The following KATNAL1 variants were observed in gnomAD, a reference collection of about 807,000 sequenced individuals.
KATNAL1 encodes the protein katanin catalytic subunit A1 like 1.
In KATNAL1, 32 loss-of-function variants were observed where a neutral mutation model predicts 55.2. The ratio of observed to expected loss-of-function variants is 0.58; its 90% confidence interval spans 0.44 to 0.78. KATNAL1 has a LOEUF of 0.78. Among genes scored for constraint, KATNAL1 ranks in the 30% least tolerant of loss-of-function variants. The pLI, the probability that KATNAL1 is intolerant of heterozygous loss-of-function variation, is 0.00. For synonymous variants in KATNAL1, 193 were observed against 193.6 expected (o/e 1.00, Z 0.02); for missense variants, 466 against 600.9 (o/e 0.78, Z 2.35).
chr13:30,256,035 G>A (rs1481932968), intron 3 of KATNAL1, among the ~76,000 whole-genome samples: 1 of 152,074 alleles, frequency 6.6e-6, no homozygotes, highest in East Asian at 1.9e-4. Context: ...TTCTAAATAA[G>A]TCTATTTGTA....
intron 1 of KATNAL1, among the ~76,000 whole-genome samples, chr13:30,291,467 A>G (rs1417087486): frequency 6.6e-6 from 1 of 152,240 alleles, no homozygotes; most frequent in Non-Finnish European, 1.5e-5. Flanking sequence ...AAAACACTCA[A>G]TATGCGTAAG....
chr13:30,279,169 A>AT (rs774017486), intron 3 of KATNAL1, among the ~76,000 whole-genome samples: 11 of 152,214 alleles, frequency 7.2e-5, no homozygotes, highest in Non-Finnish European at 1.5e-4. Flanking sequence ...ATCTAGCATG[A>AT]TTAGGGCCTC....
intron 3 of KATNAL1, among the ~76,000 whole-genome samples, chr13:30,262,485 G>C (rs1029861305): frequency 7.9e-5 from 12 of 152,036 alleles, no homozygotes; most frequent in African/African-American, 2.7e-4. Flanking sequence ...GACTGATAAA[G>C]AAGAAAAGAG....
chr13:30,244,845 C>G (rs1877626724), intron 4 of KATNAL1, among the ~76,000 whole-genome samples: 1 of 152,030 alleles, frequency 6.6e-6, no homozygotes. Context: ...CAAGACTAAA[C>G]CAGGAAGAAG....
intron 9 of KATNAL1, among the ~76,000 whole-genome samples, chr13:30,218,834 A>G (rs1236592588): frequency 6.6e-6 from 1 of 152,026 alleles, no homozygotes; most frequent in Non-Finnish European, 1.5e-5. Flanking sequence ...GTCACCCCCA[A>G]CCACGACCCA....
chr13:30,282,827 C>G (rs9550549), intron 2 of KATNAL1, among the ~76,000 whole-genome samples: 24,507 of 150,024 alleles, frequency 0.16, 2,527 homozygotes, highest in East Asian at 0.3. Flanking sequence ...TGGTGGTGGG[C>G]GCATGTAGTC....
intron 6 of KATNAL1, among the ~76,000 whole-genome samples, chr13:30,232,285 G>A (rs1876180102): frequency 6.6e-6 from 1 of 152,042 alleles, no homozygotes; most frequent in Admixed American, 6.6e-5. Context: ...CATAATACCT[G>A]GTGATTCCTT....
intron 10 of KATNAL1, 75 bp from the exon 11 acceptor site, chr13:30,208,813 G>GAA: frequency 3.0e-6 from 3 of 995,554 alleles, no homozygotes; most frequent in South Asian, 2.0e-5. Flanking sequence ...ACAAAGTTAT[G>GAA]AAAAAAAAAT....
At position 30,231,473 on chromosome 13, in the gene KATNAL1, C is replaced by A; in HGVS notation, c.727-1G>T. 1 of 1,493,974 alleles carries A rather than the reference C, an allele frequency of 6.7e-7. No individual in the cohort carries two copies. The highest frequency in any genetic ancestry group is 8.9e-7 in the Non-Finnish European group (1 of 1,119,798). 92.5% of individuals were successfully genotyped at this position (1,493,974 alleles called of 1,614,324 possible). On this transcript the variant is annotated splice_acceptor_variant, in intron 6 of 10. Transcript: ENST00000380615. LOFTEE classifies it high-confidence loss of function. ...CTGGGGGTCCAACCATCAGTACACC[C>A]TGAAATTTCAAAAGACAAATTAAAT...
chr13:30,277,754 C>T (rs994075039), intron 3 of KATNAL1, among the ~76,000 whole-genome samples: 10 of 151,840 alleles, frequency 6.6e-5, no homozygotes, highest in African/African-American at 1.5e-4. Context: ...GAGGCCGAGG[C>T]GGGCGGATCA....
chr13:30,232,359 A>T (rs1876187790), intron 6 of KATNAL1, among the ~76,000 whole-genome samples: 1 of 152,166 alleles, frequency 6.6e-6, no homozygotes, highest in South Asian at 2.1e-4. Flanking sequence ...AGGCTTTGAA[A>T]ACTATGTGTA....
intron 1 of KATNAL1, among the ~76,000 whole-genome samples, chr13:30,299,980 A>AAC (rs143141264): frequency 0.16 from 24,461 of 151,172 alleles, 2,037 homozygotes; most frequent in Middle Eastern, 0.21. Context: ...CATCACCCAC[A>AAC]ACACACACAC....
At chr13:30,261,925 G>T (rs1450655817) in intron 3 of KATNAL1, among the ~76,000 whole-genome samples, 1 of 151,970 alleles carries the variant, frequency 6.6e-6, no homozygotes, top group Non-Finnish European at 1.5e-5. Context: ...ATTTTTTTCA[G>T]CACCACACCA....
At chr13:30,258,782 TA>T (rs1224205454) in intron 3 of KATNAL1, among the ~76,000 whole-genome samples, 1 of 152,116 alleles carries the variant, frequency 6.6e-6, no homozygotes, top group African/African-American at 2.4e-5. Context: ...CCCAAATGGA[TA>T]ATCAATTACC....
At chr13:30,243,453 T>C (rs1566102739) in intron 4 of KATNAL1, among the ~76,000 whole-genome samples, 1 of 151,898 alleles carries the variant, frequency 6.6e-6, no homozygotes, top group Non-Finnish European at 1.5e-5. Context: ...TTAAGAGAAA[T>C]ACTGATAAAT....
intron 3 of KATNAL1, among the ~76,000 whole-genome samples, chr13:30,262,379 T>A (rs1045592172): frequency 6.6e-6 from 1 of 151,594 alleles, no homozygotes; most frequent in African/African-American, 2.4e-5. Flanking sequence ...AGAGCAGAAC[T>A]GAAGGAAATA....
intron 1 of KATNAL1, among the ~76,000 whole-genome samples, chr13:30,303,129 A>C (rs1405787146): frequency 6.6e-6 from 1 of 152,252 alleles, no homozygotes; most frequent in Non-Finnish European, 1.5e-5. Flanking sequence ...GACAGAACAA[A>C]GTTACAAAAG....
chr13:30,223,458 A>C (rs1405114470), intron 9 of KATNAL1, among the ~76,000 whole-genome samples: 1 of 150,792 alleles, frequency 6.6e-6, no homozygotes, highest in Admixed American at 6.6e-5. Context: ...AAAAAAAAAA[A>C]AAAAAAAAAC....
At chr13:30,265,215 G>T (rs1879651091) in intron 3 of KATNAL1, among the ~76,000 whole-genome samples, 1 of 149,356 alleles carries the variant, frequency 6.7e-6, no homozygotes, top group South Asian at 2.1e-4. Context: ...ACACTCTGGG[G>T]ACTGTTGTGG....
Sources: gnomAD v4.1 joint callset for allele counts (sites outside exome capture counted in the v4.1 genomes callset) on GRCh38, gnomAD v4.1.1 for gene constraint, MANE v1.5 for transcripts, NCBI Gene and HGNC (gene_info 2026-07-23, HGNC 2026-07-21) for gene names.